GIT2: variants seen among roughly 807,000 people sequenced by gnomAD.
GIT2 encodes the protein ARF GTPase-activating protein GIT2.
GIT2 carries 32 observed loss-of-function variants against 100.3 expected under a neutral mutation model. That is an observed-to-expected ratio of 0.32 (90% CI 0.24 to 0.43). The LOEUF (loss-of-function observed/expected upper bound fraction) is 0.43. Among genes scored for constraint, GIT2 ranks in the 20% least tolerant of loss-of-function variants. The pLI is 1.00. For synonymous variants in GIT2, 353 were observed against 364.1 expected (o/e 0.97, Z 0.35); for missense variants, 737 against 975.1 (o/e 0.76, Z 3.25).
intron 1 of GIT2, among the ~76,000 whole-genome samples, chr12:109,995,630 T>G (rs866834070): frequency 6.6e-6 from 1 of 152,030 alleles, no homozygotes; most frequent in African/African-American, 2.4e-5. Flanking sequence ...GCCTCCTAAG[T>G]GCTGGTTGTG....
At chr12:109,967,022 T>G (rs1882670669) in intron 8 of GIT2, among the ~76,000 whole-genome samples, 1 of 152,132 alleles carries the variant, frequency 6.6e-6, no homozygotes. Flanking sequence ...ATTTATAGAG[T>G]GTCCACAGAT....
intron 12 of GIT2, among the ~76,000 whole-genome samples, chr12:109,957,016 CA>C (rs569900190): frequency 0.1 from 12,174 of 121,282 alleles, 497 homozygotes; most frequent in Middle Eastern, 0.15. Flanking sequence ...AGACTCGTCT[CA>C]AAAAAAAAAA....
rs563647907 is a variant in GIT2, at chr12:109,972,831, AT to A, written c.719-5329del. Among the ~76,000 whole-genome samples the A allele has an allele frequency of 9.0e-3, 1,349 of 149,848 alleles. 30 individuals are homozygous for A. The highest frequency in any genetic ancestry group is 0.032 in the African/African-American group (1,296 of 40,816). On this transcript the variant is annotated intron_variant, in intron 7 of 19. Coordinates refer to ENST00000355312, the MANE Select transcript of GIT2 (RefSeq NM_057169.5). ...ACTTGGTTATGTTGCATTTTTCTCTATTTTTTTTTGAGACAGGGTCTCACTC... is the reference window on the plus strand; with the variant it reads ...ACTTGGTTATGTTGCATTTTTCTCTATTTTTTTTGAGACAGGGTCTCACTC...
chr12:109,939,691 AAATAAATAAAT>A (rs1874089268), intron 16 of GIT2: 2 of 98,038 alleles, frequency 2.0e-5, no homozygotes, highest in African/African-American at 1.7e-4. Context: ...TAAAATAAAT[AAATAAATAAAT>A]AAATAAATAA....
upstream of GIT2, among the ~76,000 whole-genome samples, chr12:109,997,161 C>G (rs959798112): frequency 1.4e-5 from 2 of 143,516 alleles, no homozygotes; most frequent in Non-Finnish European, 3.0e-5. Context: ...GCTGAGATCA[C>G]GCCATTGCAC....
rs564833886 is a variant in GIT2 at position 109,973,378 on chromosome 12, T to C, written c.719-5875A>G. Among the ~76,000 whole-genome samples the C allele has an allele frequency of 6.8e-3, 1,035 of 152,104 alleles. 1 individual carries two copies. Among genetic ancestry groups the C allele is most frequent in the Non-Finnish European group, 9.4e-3 (641 of 67,980 alleles). On this transcript the variant is annotated intron_variant, in intron 7 of 19. Transcript: ENST00000355312. ...CTGGTCTCTAACTCCCCACCTCAAATGATCTATCTGCCTCAGCCTCCCAAA... is the reference window on the plus strand; with the variant it reads ...CTGGTCTCTAACTCCCCACCTCAAACGATCTATCTGCCTCAGCCTCCCAAA...
chr12:109,933,368 A>G lies in GIT2; in HGVS notation c.2068-178T>C. On this transcript the variant is annotated intron_variant, in intron 19 of 19. Transcript: ENST00000355312. The surrounding 1 kb of genome is among the most constrained non-coding windows in gnomAD (Gnocchi z 4.5). The stretch of plus-strand genomic sequence containing the variant: ...AGCTTTGCAGCCCACAGCGTAAGAG[A>G]TGCTGAAATATTCTGATTCAAAGGT... 1.8e-6 allele frequency: 1 copy of G among 546,466 alleles called. No homozygotes were observed. The highest frequency in any genetic ancestry group is 3.3e-6 in the Non-Finnish European group (1 of 307,204). 33.9% of individuals were successfully genotyped at this position (546,466 alleles called of 1,614,324 possible).
In GIT2 at chr12:109,988,795, G is replaced by A. The variant is rs541285159; in HGVS notation, c.405+168C>T. ...TGGAACCCGGGAGGCAGAGGCTGCAGGGAGCCAAGATCGCGCCACTGTACT... is the reference window on the plus strand; with the variant it reads ...TGGAACCCGGGAGGCAGAGGCTGCAAGGAGCCAAGATCGCGCCACTGTACT... On this transcript the variant is annotated intron_variant, in intron 4 of 19. Transcript: ENST00000355312. Among the ~76,000 whole-genome samples the A allele has an allele frequency of 2.7e-4, 41 of 149,518 alleles. No individual in the cohort carries two copies. The East Asian group carries it at 7.8e-3, about 28-fold the overall frequency.
At chr12:109,985,356 T>C (rs766322642) in intron 4 of GIT2, among the ~76,000 whole-genome samples, 45 of 152,232 alleles carry the variant, frequency 3.0e-4, no homozygotes, top group Non-Finnish European at 5.4e-4. Context: ...AGCTAGTATA[T>C]GCATTTCTAT....
intron 6 of GIT2, 73 bp downstream of exon 6, chr12:109,983,300 T>C: frequency 7.5e-7 from 1 of 1,338,694 alleles, no homozygotes; most frequent in African/African-American, 1.5e-5. Flanking sequence ...CATATACAAC[T>C]TAGCTACTTA....
chr12:109,941,578 A>T (rs1441372594), intron 16 of GIT2, among the ~76,000 whole-genome samples: 1 of 151,514 alleles, frequency 6.6e-6, no homozygotes, highest in East Asian at 1.9e-4. Context: ...GTGGAGTGCA[A>T]TGGCATAAGC....
intron 16 of GIT2, chr12:109,939,801 A>C (rs1874158116): frequency 6.6e-6 from 1 of 152,258 alleles, no homozygotes; most frequent in African/African-American, 2.4e-5. Context: ...GCTTGAGCCC[A>C]GGAGTTCAAG....
intron 9 of GIT2, among the ~76,000 whole-genome samples, chr12:109,964,675 A>ACACACACACACACG: frequency 6.8e-6 from 1 of 146,914 alleles, no homozygotes; most frequent in Non-Finnish European, 1.5e-5. Flanking sequence ...ACACACACAC[A>ACACACACACACACG]CGGAACCAGA....
intron 7 of GIT2, among the ~76,000 whole-genome samples, chr12:109,971,795 G>A (rs1422081524): frequency 6.6e-6 from 1 of 151,566 alleles, no homozygotes; most frequent in African/African-American, 2.4e-5. Flanking sequence ...GAGTTCCAGA[G>A]CAGCCTGGCC....
At chr12:109,940,101 C>G (rs896824816) in intron 16 of GIT2, 1 of 152,334 alleles carries the variant, frequency 6.6e-6, no homozygotes, top group South Asian at 2.1e-4. Context: ...GGGCTCAAAT[C>G]TACCCCTTAA....
chr12:109,988,355 C>A (rs1322004933), intron 4 of GIT2, among the ~76,000 whole-genome samples: 1 of 152,034 alleles, frequency 6.6e-6, no homozygotes, highest in Non-Finnish European at 1.5e-5. Context: ...TCAGCCTGGG[C>A]AACATAGCAA....
At chr12:109,943,392 A>G (rs925013642) in intron 16 of GIT2, among the ~76,000 whole-genome samples, 14 of 151,992 alleles carry the variant, frequency 9.2e-5, no homozygotes, top group African/African-American at 3.4e-4. Flanking sequence ...CAGTGGTGCA[A>G]TCTCGGCTTA....
chr12:109,948,962 C>A lies in GIT2; in HGVS notation c.1393-1458G>T. 1.5e-6 allele frequency: 1 copy of A among 685,112 alleles called. No individual in the cohort carries two copies. The allele number at this position is 685,112 out of a possible 1,614,324, so 42.4% of individuals were successfully genotyped here. A position where few individuals can be genotyped will look rare whatever the true frequency, so the allele number is the denominator to read the frequency against. On this transcript the variant is annotated intron_variant, in intron 14 of 19. Coordinates refer to ENST00000355312, the MANE Select transcript of GIT2 (RefSeq NM_057169.5). This position sits in a 1 kb window ranked among gnomAD's most constrained non-coding sequence, Gnocchi z 4.3. ...TACATCTTTGCTAAATAAACAAATT[C>A]CATATACTTTATATTAATCATGCCA... is the stretch of plus-strand genomic sequence containing the variant.
At chr12:109,965,021 A>C (rs1166365600) in intron 9 of GIT2, among the ~76,000 whole-genome samples, 1 of 152,186 alleles carries the variant, frequency 6.6e-6, no homozygotes, top group Non-Finnish European at 1.5e-5. Context: ...ACATGGGCCA[A>C]GACCACCAGC....
Sources: allele counts gnomAD v4.1 joint callset (sites outside exome capture counted in the v4.1 genomes callset), GRCh38; gene constraint gnomAD v4.1.1; non-coding constraint Gnocchi (gnomAD v3.1); transcripts MANE v1.5; gene names NCBI Gene and HGNC (gene_info 2026-07-23, HGNC 2026-07-21).